The following RIPOR2 variants were observed in gnomAD, a reference collection of about 807,000 sequenced individuals.
RIPOR2 encodes the protein rho family-interacting cell polarization regulator 2.
RIPOR2 carries 39 observed loss-of-function variants against 114.5 expected under a neutral mutation model. That is an observed-to-expected ratio of 0.34 (90% confidence interval 0.26 to 0.44). RIPOR2 has a LOEUF of 0.44. Among genes scored for constraint, RIPOR2 ranks in the 20% least tolerant of loss-of-function variants. The probability of loss-of-function intolerance (pLI) is 1.00; values close to 1 mark genes in which losing one functional copy is unlikely to be tolerated. For synonymous variants in RIPOR2, 445 were observed against 484.4 expected (o/e 0.92, Z 1.07); for missense variants, 1,007 against 1,255.1 (o/e 0.80, Z 2.99).
At chr6:24,970,698 C>T (rs385067) in intron 1 of RIPOR2, among the ~76,000 whole-genome samples, 125,187 of 152,094 alleles carry the variant, frequency 0.82, 54,305 homozygotes, top group East Asian at 0.96. Flanking sequence ...TAAGGAACTG[C>T]GGGGTGGGGA....
At chr6:24,910,317 A>C (rs1200939987) in intron 1 of RIPOR2, among the ~76,000 whole-genome samples, 4 of 152,152 alleles carry the variant, frequency 2.6e-5, no homozygotes, top group African/African-American at 9.7e-5. Context: ...TTCATAGTCC[A>C]GCTCAAACGG....
rs1010084745 is a variant in RIPOR2 at position 24,808,588 on chromosome 6, T to A, written c.3043+1129A>T. 2.6e-5 allele frequency among the ~76,000 whole-genome samples: 4 copies of A among 152,114 alleles called. No homozygotes were observed. The East Asian group carries it at 7.7e-4, about 29-fold the overall frequency. The stretch of plus-strand genomic sequence containing the variant: ...ATGGGATTTTCACAGTGATTATAAA[T>A]GCCATGAGATTCTTCTTCATGTTGT... On this transcript the variant is annotated intron_variant, in intron 21 of 21. Transcript: ENST00000643898.
intron 1 of RIPOR2, among the ~76,000 whole-genome samples, chr6:24,954,935 T>C: frequency 6.6e-6 from 1 of 152,208 alleles, no homozygotes; most frequent in East Asian, 1.9e-4. Flanking sequence ...TTCTTCCTAA[T>C]GTGGTATATA....
rs546565533 is a variant in RIPOR2 at position 25,024,124 on chromosome 6, TC to T, written c.76+17726del. On this transcript the variant is annotated intron_variant, in intron 1 of 13. Transcript: ENST00000510784. ...GGTGAGCTCAAACCGGACCTGATAT[TC>T]CCCTTACCGGTGGCGCCGCGGGACA... The T allele has an allele frequency of 2.6e-4, 228 of 864,152 alleles. No homozygotes were observed. The African/African-American group carries it at 3.4e-3, about 13-fold the overall frequency. The allele number at this position is 864,152 out of a possible 1,614,324, so 53.5% of individuals were successfully genotyped here. A position where few individuals can be genotyped will look rare whatever the true frequency, so the allele number is the denominator to read the frequency against.
chr6:25,039,479 C>T (rs1403247095), intron 1 of RIPOR2, among the ~76,000 whole-genome samples: 2 of 152,214 alleles, frequency 1.3e-5, no homozygotes. Context: ...AGGTCAGGAC[C>T]AGCCTGCTTA....
intron 5 of RIPOR2, among the ~76,000 whole-genome samples, chr6:24,870,304 T>C (rs1031232346): frequency 6.6e-6 from 1 of 152,248 alleles, no homozygotes; most frequent in South Asian, 2.1e-4. Flanking sequence ...TGGGAAGTTC[T>C]TAAACTTATA....
At chr6:24,959,758 G>A (rs978439476) in intron 1 of RIPOR2, among the ~76,000 whole-genome samples, 1 of 152,068 alleles carries the variant, frequency 6.6e-6, no homozygotes, top group Non-Finnish European at 1.5e-5. Context: ...ACCAACTGCC[G>A]GCATGTCCTC....
chr6:24,852,252 A>C (rs1763032012), intron 9 of RIPOR2, among the ~76,000 whole-genome samples: 1 of 152,028 alleles, frequency 6.6e-6, no homozygotes, highest in Admixed American at 6.6e-5. Flanking sequence ...ACAGAGCGAG[A>C]CTCCATCTCA....
intron 1 of RIPOR2, among the ~76,000 whole-genome samples, chr6:24,889,886 T>A (rs751844866): frequency 2.4e-4 from 36 of 151,132 alleles, no homozygotes; most frequent in African/African-American, 3.4e-4. Context: ...TTCATTTTTT[T>A]ATTTTATTTT....
intron 1 of RIPOR2, among the ~76,000 whole-genome samples, chr6:25,007,108 T>C (rs1775587884): frequency 6.6e-6 from 1 of 151,502 alleles, no homozygotes; most frequent in African/African-American, 2.4e-5. Flanking sequence ...TTGGCTATGG[T>C]GACATGGACT....
At chr6:24,997,887 C>A (rs1025751885) in intron 1 of RIPOR2, among the ~76,000 whole-genome samples, 5 of 152,168 alleles carry the variant, frequency 3.3e-5, no homozygotes, top group African/African-American at 1.2e-4. Context: ...AGTCCCCACT[C>A]CAGACCTACT....
intron 1 of RIPOR2, among the ~76,000 whole-genome samples, chr6:24,967,360 G>C (rs1470362095): frequency 6.6e-6 from 1 of 152,220 alleles, no homozygotes; most frequent in African/African-American, 2.4e-5. Flanking sequence ...TCCAAGTACA[G>C]TATAAAGGAT....
At chr6:24,809,635 G>C in intron 21 of RIPOR2, 82 bp downstream of exon 21, 2 of 937,100 alleles carry the variant, frequency 2.1e-6, no homozygotes, top group Non-Finnish European at 3.4e-6. Context: ...CTCCTTACTG[G>C]AGAAGGGAAC....
At chr6:25,005,263 G>C (rs562637975) in intron 1 of RIPOR2, among the ~76,000 whole-genome samples, 2 of 152,280 alleles carry the variant, frequency 1.3e-5, no homozygotes, top group African/African-American at 4.8e-5. Context: ...GGCTGACTCT[G>C]ACCGGGTTGT....
chr6:24,897,280 C>T (rs902615005), intron 1 of RIPOR2, among the ~76,000 whole-genome samples: 2 of 152,250 alleles, frequency 1.3e-5, no homozygotes, highest in Admixed American at 6.5e-5. Flanking sequence ...TTTTTCTGTA[C>T]CAAAAATACA....
upstream of RIPOR2, among the ~76,000 whole-genome samples, chr6:24,938,163 G>A (rs1771921663): frequency 6.6e-6 from 1 of 152,176 alleles, no homozygotes; most frequent in South Asian, 2.1e-4. Flanking sequence ...TATTGGAGGA[G>A]GATGGGTCCT....
intron 6 of RIPOR2, 49 bp from the exon 7 acceptor site, chr6:24,865,499 A>C (rs2113851391): frequency 6.8e-7 from 1 of 1,468,976 alleles, no homozygotes; most frequent in Non-Finnish European, 9.3e-7. Flanking sequence ...GCTTGAAAGA[A>C]AATACATAGA....
intron 1 of RIPOR2, among the ~76,000 whole-genome samples, chr6:25,006,046 C>T (rs1775551775): frequency 6.6e-6 from 1 of 152,044 alleles, no homozygotes; most frequent in South Asian, 2.1e-4. Flanking sequence ...TTCTGTTAAA[C>T]AGGCATGAGA....
At chr6:24,948,188 T>C (rs1030934684) in intron 1 of RIPOR2, 1 of 152,242 alleles carries the variant, frequency 6.6e-6, no homozygotes, top group African/African-American at 2.4e-5. Flanking sequence ...GCTATGAATA[T>C]ACAGGCTATG....
Sources: gnomAD v4.1 joint callset for allele counts (sites outside exome capture counted in the v4.1 genomes callset) on GRCh38, gnomAD v4.1.1 for gene constraint, MANE v1.5 for transcripts, NCBI Gene and HGNC (gene_info 2026-07-23, HGNC 2026-07-21) for gene names.